The following ABL1 variants were observed in gnomAD, a reference collection of about 807,000 sequenced individuals.
The protein encoded by ABL1 is tyrosine-protein kinase ABL1.
A neutral mutation model predicts 94.7 loss-of-function variants in ABL1; 11 were observed. The observed-to-expected ratio is 0.12, with a 90% CI of 0.07 to 0.19. The LOEUF is 0.19. ABL1 is among the 10% of genes least tolerant of loss of function. The pLI, the probability that ABL1 is intolerant of heterozygous loss-of-function variation, is 1.00. For synonymous variants in ABL1, 656 were observed against 622.4 expected, an observed-to-expected ratio of 1.05 and a Z score of -0.80; for missense variants, 1,082 against 1,489.4, an observed-to-expected ratio of 0.73 and a Z score of 4.50.
intron 1 of ABL1, among the ~76,000 whole-genome samples, chr9:130,805,585 G>A (rs1255813907): frequency 6.6e-6 from 1 of 152,218 alleles, no homozygotes; most frequent in Non-Finnish European, 1.5e-5. Flanking sequence ...GGAGGGGAAG[G>A]AAGAAAGAAG....
intron 1 of ABL1, among the ~76,000 whole-genome samples, chr9:130,780,556 T>C (rs1829743055): frequency 6.6e-6 from 1 of 152,212 alleles, no homozygotes; most frequent in East Asian, 1.9e-4. Flanking sequence ...TACTCGTACC[T>C]GCTATTTCTA....
chr9:130,737,814 C>T (rs929110994), intron 1 of ABL1, among the ~76,000 whole-genome samples: 7 of 150,736 alleles, frequency 4.6e-5, no homozygotes, highest in African/African-American at 1.7e-4. Context: ...AAAACAGCCT[C>T]TGTCTCAGAA....
At chr9:130,788,043 C>G (rs1652949362) in intron 1 of ABL1, among the ~76,000 whole-genome samples, 1 of 152,122 alleles carries the variant, frequency 6.6e-6, no homozygotes, top group African/African-American at 2.4e-5. Flanking sequence ...GAGTAGAACT[C>G]TATTTCTTCA....
chr9:130,854,019 TTTCTC>T (rs1290660828), intron 1 of ABL1, 40 bp from the exon 2 acceptor site: 2 of 1,549,960 alleles, frequency 1.3e-6, no homozygotes. Context: ...TTCTCCCAAT[TTTCTC>T]TTCCTTTTTC....
intron 8 of ABL1, among the ~76,000 whole-genome samples, chr9:130,879,738 A>G (rs1016047050): frequency 3.9e-5 from 6 of 152,246 alleles, no homozygotes; most frequent in African/African-American, 1.4e-4. Context: ...CCGTGAAGAA[A>G]GAACAAGATA....
intron 1 of ABL1, among the ~76,000 whole-genome samples, chr9:130,805,807 G>C (rs2132840277): frequency 6.6e-6 from 1 of 152,312 alleles, no homozygotes. Context: ...TAAGTAGGGG[G>C]ATGAAGGGGG....
intron 3 of ABL1, among the ~76,000 whole-genome samples, chr9:130,860,097 A>G (rs1327996722): frequency 6.6e-6 from 1 of 152,144 alleles, no homozygotes; most frequent in East Asian, 1.9e-4. Context: ...TGCATAGCGT[A>G]ATGACATGCC....
chr9:130,758,192 G>C (rs191077440), intron 1 of ABL1, among the ~76,000 whole-genome samples: 139 of 150,232 alleles, frequency 9.3e-4, no homozygotes, highest in Admixed American at 2.5e-3. Context: ...ACAGAGTCTC[G>C]CTCTGTCACC....
chr9:130,765,640 G>A (rs2132757933), intron 1 of ABL1, among the ~76,000 whole-genome samples: 1 of 152,322 alleles, frequency 6.6e-6, no homozygotes, highest in Non-Finnish European at 1.5e-5. Flanking sequence ...TGACGGATCA[G>A]TATTCATTTC....
chr9:130,867,419 G>A (rs1348762884), intron 4 of ABL1, among the ~76,000 whole-genome samples: 1 of 152,212 alleles, frequency 6.6e-6, no homozygotes, highest in African/African-American at 2.4e-5. Flanking sequence ...GTTCTAAACA[G>A]CAGCACAGTG....
Position 130,885,187 on chromosome 9 carries a change from C to T in ABL1, c.2897C>T (p.Pro966Leu), listed in dbSNP as rs146488029. The change falls in exon 11 of 11, where the codon CCA becomes CTA. Residue 966 changes from proline to leucine, a missense_variant. Coordinates refer to ENST00000318560, the MANE Select transcript of ABL1 (RefSeq NM_005157.6). ...KKPVLPATPK[P>L]QSAKPSGTPI... ...CCCGTGCTCCCGGCCACTCCAAAGC[C>T]ACAGTCCGCCAAGCCGTCGGGGACC... 1.2e-6 allele frequency: 2 copies of T among 1,613,418 alleles called. No homozygotes were observed. The highest frequency in any genetic ancestry group is 2.7e-5 in the African/African-American group (2 of 74,938).
chr9:130,875,550 C>T lies in ABL1; in HGVS notation c.1270+498C>T, dbSNP rs576927911. Among the ~76,000 whole-genome samples, 8 of 151,906 alleles carry T rather than the reference C, an allele frequency of 5.3e-5. No homozygotes were observed. In the South Asian group the frequency reaches 1.7e-3, roughly 32 times the overall value. ...TCCTCTATAAGCCCCCTCTCCATGTCTTTATTTCCCTTGCTGTTTATTGAA... is the reference window on the plus strand; with the variant it reads ...TCCTCTATAAGCCCCCTCTCCATGTTTTTATTTCCCTTGCTGTTTATTGAA... On this transcript the variant is annotated intron_variant, in intron 7 of 10. Transcript: ENST00000318560.
intron 1 of ABL1, among the ~76,000 whole-genome samples, chr9:130,782,717 T>C (rs1255192297): frequency 1.3e-5 from 2 of 152,262 alleles, no homozygotes; most frequent in Non-Finnish European, 2.9e-5. Flanking sequence ...CTGCTGCTGC[T>C]GCCGCTGTGG....
intron 4 of ABL1, among the ~76,000 whole-genome samples, chr9:130,867,931 C>T (rs1216758889): frequency 1.4e-5 from 2 of 141,876 alleles, no homozygotes; most frequent in Admixed American, 1.4e-4. Context: ...CTCTATCCCT[C>T]CAGTGGTTTT....
chr9:130,871,044 C>G (rs1298819720), intron 4 of ABL1, among the ~76,000 whole-genome samples: 1 of 152,214 alleles, frequency 6.6e-6, no homozygotes, highest in African/African-American at 2.4e-5. Flanking sequence ...TTGATCAAGC[C>G]TTCCTCTTTG....
chr9:130,730,426 A>G (rs1453434935), intron 1 of ABL1, among the ~76,000 whole-genome samples: 1 of 152,134 alleles, frequency 6.6e-6, no homozygotes, highest in Non-Finnish European at 1.5e-5. Flanking sequence ...TTGATGACTC[A>G]TGAGGTTAAG....
intron 1 of ABL1, among the ~76,000 whole-genome samples, chr9:130,736,832 T>C (rs751972816): frequency 2.6e-5 from 4 of 152,164 alleles, no homozygotes; most frequent in Non-Finnish European, 5.9e-5. Context: ...TACATACTTA[T>C]CTTTCTGTGA....
intron 1 of ABL1, among the ~76,000 whole-genome samples, chr9:130,782,708 T>C (rs138364825): frequency 1.4e-4 from 21 of 152,366 alleles, no homozygotes; most frequent in African/African-American, 4.6e-4. Flanking sequence ...ATCTGTTAGC[T>C]GCTGCTGCTG....
At chr9:130,833,339 CAGAT>C (rs1391456301), upstream of ABL1, among the ~76,000 whole-genome samples, 1 of 152,178 alleles carries the variant, frequency 6.6e-6, no homozygotes, top group African/African-American at 2.4e-5. Flanking sequence ...ACAAAACAGA[CAGAT>C]ACTGTATTTT....
Sources: allele counts gnomAD v4.1 joint callset (sites outside exome capture counted in the v4.1 genomes callset), GRCh38; gene constraint gnomAD v4.1.1; transcripts MANE v1.5; gene names NCBI Gene and HGNC (gene_info 2026-07-23, HGNC 2026-07-21).